Variants in TAFA2 observed in about 807,000 individuals in gnomAD.
TAFA2 encodes chemokine-like protein TAFA-2.
TAFA2 carries 7 observed loss-of-function variants against 18.8 expected under a neutral mutation model. The ratio of observed to expected loss-of-function variants is 0.37; its 90% CI spans 0.21 to 0.70. TAFA2 has a LOEUF of 0.70. Among genes scored for constraint, TAFA2 ranks in the 30% least tolerant of loss-of-function variants. TAFA2 has a pLI of 0.53. For missense variants in TAFA2, 122 were observed against 158.1 expected, an observed-to-expected ratio of 0.77 and a Z score of 1.23; for synonymous variants, 60 against 54.2, an observed-to-expected ratio of 1.11 and a Z score of -0.47.
intron 1 of TAFA2, among the ~76,000 whole-genome samples, chr12:62,054,371 A>G (rs1273396845): frequency 6.6e-6 from 1 of 152,210 alleles, no homozygotes; most frequent in African/African-American, 2.4e-5. Flanking sequence ...TGTATTGCCA[A>G]CAAAGAAACA....
intron 2 of TAFA2, among the ~76,000 whole-genome samples, chr12:61,835,165 A>C (rs1273508032): frequency 6.6e-6 from 1 of 152,056 alleles, no homozygotes; most frequent in Non-Finnish European, 1.5e-5. Context: ...ATTTGGAGGC[A>C]AGAAAATAAA....
chr12:61,893,963 AACTGAT>A (rs2121301789), intron 1 of TAFA2, among the ~76,000 whole-genome samples: 1 of 152,006 alleles, frequency 6.6e-6, no homozygotes, highest in South Asian at 2.1e-4. Context: ...ACCCAAGTCA[AACTGAT>A]ACTGCTTTTA....
At position 62,228,811 on chromosome 12, in the gene TAFA2, A is replaced by G. The variant is rs564584718; in HGVS notation, c.-130+29952T>C. Among the ~76,000 whole-genome samples the G allele has an allele frequency of 2.0e-5, 3 of 152,280 alleles. No homozygotes were observed. The East Asian group carries it at 5.8e-4, about 29-fold the overall frequency. ...GAATCTGTAGAAAAATTTGGGTAGC[A>G]TTGACATTTTAATGATATTAACTCT... is the stretch of plus-strand genomic sequence containing the variant. On this transcript the variant is annotated intron_variant, in intron 1 of 5. Coordinates refer to the TAFA2 transcript ENST00000551619.
rs375055383 is a variant in TAFA2 at position 62,110,318 on chromosome 12, G to T, written c.-2+80941C>A. On this transcript the variant is annotated intron_variant, in intron 1 of 4. Transcript: ENST00000416284. ...TATGTTGAACCAGCCTTGCATCCCAGAGATGAAGCCGACTTGATGGTGCTG... is the reference window on the plus strand; with the variant it reads ...TATGTTGAACCAGCCTTGCATCCCATAGATGAAGCCGACTTGATGGTGCTG... 9.8e-5 allele frequency among the ~76,000 whole-genome samples: 15 copies of T among 152,298 alleles called. No homozygotes were observed. The East Asian group carries it at 1.5e-3, about 16-fold the overall frequency.
At chr12:62,251,746 C>A (rs534430697) in intron 1 of TAFA2, among the ~76,000 whole-genome samples, 3 of 152,314 alleles carry the variant, frequency 2.0e-5, no homozygotes, top group Non-Finnish European at 4.4e-5. Flanking sequence ...GTCTTTAAAA[C>A]CCTACATCAA....
At chr12:61,984,020 A>G (rs1054212208) in intron 1 of TAFA2, among the ~76,000 whole-genome samples, 2 of 152,006 alleles carry the variant, frequency 1.3e-5, no homozygotes, top group African/African-American at 4.8e-5. Context: ...CTACCACCCT[A>G]TGTAAAGCTG....
At chr12:62,143,383 A>G (rs2062253991) in intron 1 of TAFA2, among the ~76,000 whole-genome samples, 1 of 152,254 alleles carries the variant, frequency 6.6e-6, no homozygotes, top group Non-Finnish European at 1.5e-5. Flanking sequence ...CCTGATCTAC[A>G]AAGTAATCAG....
In TAFA2 at chr12:61,942,154, C is replaced by T. The variant is rs1037352480; in HGVS notation, c.-1-74728G>A. On this transcript the variant is annotated intron_variant, in intron 1 of 4. Transcript: ENST00000416284. ...AAGTGGGTCCCTGACCCCTGACCCC[C>T]GAGCAGCCTAACTGGGAGGCACCCC... 3.5e-3 allele frequency among the ~76,000 whole-genome samples: 513 copies of T among 148,240 alleles called. 2 individuals carry two copies. The highest frequency in any genetic ancestry group is 0.012 in the African/African-American group (471 of 39,868).
chr12:62,245,183 C>T (rs1014730468), intron 1 of TAFA2, among the ~76,000 whole-genome samples: 2 of 151,858 alleles, frequency 1.3e-5, no homozygotes, highest in Admixed American at 1.3e-4. Context: ...ATCAAAATTA[C>T]ATTTTATTTT....
intron 2 of TAFA2, among the ~76,000 whole-genome samples, chr12:61,764,034 G>C (rs79155417): frequency 2.4e-4 from 37 of 152,068 alleles, no homozygotes; most frequent in African/African-American, 8.7e-4. Flanking sequence ...TTATCAGCCA[G>C]AAGTATTCTC....
chr12:61,971,014 G>A (rs1163923930), intron 1 of TAFA2, among the ~76,000 whole-genome samples: 4 of 151,606 alleles, frequency 2.6e-5, no homozygotes, highest in African/African-American at 7.3e-5. Flanking sequence ...TGAGAAAAAA[G>A]TTATAAGATA....
At chr12:62,083,434 C>T (rs566706305) in intron 1 of TAFA2, among the ~76,000 whole-genome samples, 11 of 152,052 alleles carry the variant, frequency 7.2e-5, no homozygotes, top group Non-Finnish European at 1.2e-4. Context: ...TTCAGGTAAA[C>T]ATTTTTCTGG....
At chr12:62,091,284 T>A (rs1414255075) in intron 1 of TAFA2, among the ~76,000 whole-genome samples, 1 of 151,940 alleles carries the variant, frequency 6.6e-6, no homozygotes, top group Admixed American at 6.6e-5. Context: ...TGAATTCCAT[T>A]TGATGGAATT....
intron 2 of TAFA2, among the ~76,000 whole-genome samples, chr12:61,849,935 C>T (rs937439527): frequency 4.6e-5 from 7 of 152,050 alleles, no homozygotes; most frequent in African/African-American, 9.7e-5. Flanking sequence ...TGAATCTATA[C>T]GCTATTAGGA....
At chr12:62,068,461 G>A (rs1202723569) in intron 1 of TAFA2, among the ~76,000 whole-genome samples, 1 of 152,036 alleles carries the variant, frequency 6.6e-6, no homozygotes, top group East Asian at 1.9e-4. Context: ...GCTCTCTTTT[G>A]AAATGCTAAA....
intron 1 of TAFA2, among the ~76,000 whole-genome samples, chr12:62,209,547 T>C (rs10877812): frequency 0.18 from 26,850 of 152,194 alleles, 2,674 homozygotes; most frequent in African/African-American, 0.28. Flanking sequence ...GTACAAACCA[T>C]GGTGAAAGTC....
chr12:61,717,337 T>C (rs1455146448), intron 4 of TAFA2, among the ~76,000 whole-genome samples: 1 of 152,198 alleles, frequency 6.6e-6, no homozygotes, highest in Middle Eastern at 3.2e-3. Flanking sequence ...GGTAAGGCAC[T>C]ATAAGACAAT....
intron 2 of TAFA2, among the ~76,000 whole-genome samples, chr12:61,831,307 A>T (rs1168597895): frequency 6.6e-6 from 1 of 152,140 alleles, no homozygotes. Context: ...ACAGGAAATT[A>T]AAATAATAGA....
chr12:62,028,058 G>T (rs1208638380), intron 1 of TAFA2, among the ~76,000 whole-genome samples: 1 of 152,130 alleles, frequency 6.6e-6, no homozygotes, highest in Non-Finnish European at 1.5e-5. Flanking sequence ...GGGTCAGACT[G>T]GTTGAGTTCA....
Sources: allele counts gnomAD v4.1 joint callset (sites outside exome capture counted in the v4.1 genomes callset), GRCh38; gene constraint gnomAD v4.1.1; transcripts MANE v1.5; gene names NCBI Gene and HGNC (gene_info 2026-07-23, HGNC 2026-07-21).